The following ZNF844 variants were observed in gnomAD, a reference collection of about 807,000 sequenced individuals.
ZNF844 encodes the protein zinc finger protein 844.
In ZNF844, 11 loss-of-function variants were observed where a neutral mutation model predicts 11.4. The observed-to-expected ratio is 0.97, with a 90% CI of 0.61 to 1.60. The LOEUF is 1.60. Among genes scored for constraint, ZNF844 ranks in the 40% most tolerant of loss-of-function variants. The pLI is 0.00. For synonymous variants in ZNF844, 248 were observed against 260.3 expected (o/e 0.95, Z 0.46); for missense variants, 790 against 796.8 (o/e 0.99, Z 0.10).
chr19:12,077,283 G>A lies in ZNF844; in HGVS notation c.*162G>A. On this transcript the variant is annotated 3_prime_UTR_variant, in exon 4 of 4. Coordinates refer to ENST00000439326, the MANE Select transcript of ZNF844 (RefSeq NM_001136501.3). ...TCGTAGACATGAAAGGACTCACACTGGAGAGAAACCCTATGAGTGTAAGCA... is the reference window on the plus strand; with the variant it reads ...TCGTAGACATGAAAGGACTCACACTAGAGAGAAACCCTATGAGTGTAAGCA... The A allele has an allele frequency of 7.8e-7, 1 of 1,278,128 alleles. No individual in the cohort carries two copies. Among genetic ancestry groups the A allele is most frequent in the South Asian group, 1.2e-5 (1 of 83,650 alleles). 79.2% of individuals were successfully genotyped at this position (1,278,128 alleles called of 1,614,324 possible).
intron 1 of ZNF844, among the ~76,000 whole-genome samples, chr19:12,067,828 C>T (rs900717974): frequency 2.0e-5 from 3 of 149,996 alleles, no homozygotes; most frequent in East Asian, 2.0e-4. Flanking sequence ...AGGCAGGAGA[C>T]GTGAACCCAG....
chr19:12,074,931 T>C (rs1260917600), intron 3 of ZNF844, among the ~76,000 whole-genome samples: 1 of 152,234 alleles, frequency 6.6e-6, no homozygotes, highest in Non-Finnish European at 1.5e-5. Flanking sequence ...GTGTTTTTCT[T>C]TTTTAAACAT....
chr19:12,075,565 G>A lies in ZNF844; in HGVS notation c.445G>A (p.Ala149Thr), dbSNP rs1463672152. 2 of 1,614,086 alleles carry A rather than the reference G, an allele frequency of 1.2e-6. No homozygotes were observed. Among genetic ancestry groups the A allele is most frequent in the Non-Finnish European group, 8.5e-7 (1 of 1,180,012 alleles). The part of the protein sequence containing the change: ...EPYKCQQRKK[A>T]FRCHPSFQMQ... ...ATATAAGTGTCAACAACGTAAGAAA[G>A]CCTTCAGATGTCACCCCTCCTTTCA... is the stretch of plus-strand genomic sequence containing the variant. Residue 149 changes from alanine (A) to threonine (T), a missense_variant, in exon 4 of 4, where the codon GCC becomes ACC. Coordinates refer to ENST00000439326, the MANE Select transcript of ZNF844 (RefSeq NM_001136501.3).
At chr19:12,068,125 A>G (rs1445479646) in intron 1 of ZNF844, among the ~76,000 whole-genome samples, 1 of 152,056 alleles carries the variant, frequency 6.6e-6, no homozygotes, top group Non-Finnish European at 1.5e-5. Flanking sequence ...TCTGGGTAAC[A>G]TGGTAGAACC....
intron 1 of ZNF844, among the ~76,000 whole-genome samples, chr19:12,066,195 G>A (rs1180791752): frequency 1.3e-5 from 2 of 152,000 alleles, no homozygotes; most frequent in Non-Finnish European, 2.9e-5. Context: ...CAAAGTGCTG[G>A]GTTTACAGGT....
rs528701447 is a variant in ZNF844, at chr19:12,078,023, G to A, written c.*902G>A. 5.9e-6 allele frequency: 1 copy of A among 170,606 alleles called. No homozygotes were observed. Among genetic ancestry groups the A allele is most frequent in the East Asian group, 1.8e-4 (1 of 5,576 alleles). The allele number at this position is 170,606 out of a possible 1,614,324, so 10.6% of individuals were successfully genotyped here. A position where few individuals can be genotyped will look rare whatever the true frequency, so the allele number is the denominator to read the frequency against. On this transcript the variant is annotated 3_prime_UTR_variant, in exon 4 of 4. Coordinates refer to ENST00000439326, the MANE Select transcript of ZNF844 (RefSeq NM_001136501.3). The stretch of plus-strand genomic sequence containing the variant: ...TTTTGTATTTTTTAGTAGAGACGGA[G>A]TTTCATCGTGTTAGCCAGGATGGTC...
chr19:12,076,909 C>A lies in ZNF844; in HGVS notation c.1789C>A (p.Leu597Met). ...AAAGAGTGTGACAAAGCATTCATATCTGCCAAGATCCTTCGAGTACATGCA... is the reference window on the plus strand; with the variant it reads ...AAAGAGTGTGACAAAGCATTCATATATGCCAAGATCCTTCGAGTACATGCA... The part of the protein sequence containing the change: ...NVKSVTKHSY[L>M]PRSFEYMQEH... The change falls in exon 4 of 4, where the codon CTG (leucine) becomes ATG (methionine). Residue 597 changes from leucine (L) to methionine (M), a missense_variant. Transcript: ENST00000439326. 1 of 1,587,934 alleles carries A rather than the reference C, an allele frequency of 6.3e-7. No individual in the cohort carries two copies.
intron 1 of ZNF844, among the ~76,000 whole-genome samples, chr19:12,072,592 T>C (rs1975763636): frequency 6.6e-6 from 1 of 150,840 alleles, no homozygotes; most frequent in Non-Finnish European, 1.5e-5. Flanking sequence ...TTTCTTTTTC[T>C]TTTTTTTTGA....
In ZNF844 at chr19:12,080,626, C is replaced by T; in HGVS notation, c.*3505C>T. The T allele has an allele frequency of 6.3e-6, 1 of 157,626 alleles. No individual in the cohort carries two copies. Among genetic ancestry groups the T allele is most frequent in the Middle Eastern group, 6.0e-4 (1 of 1,658 alleles). 9.8% of individuals were successfully genotyped at this position (157,626 alleles called of 1,614,324 possible). A position where few individuals can be genotyped will look rare whatever the true frequency, so the allele number is the denominator to read the frequency against. On this transcript the variant is annotated 3_prime_UTR_variant, in exon 4 of 4. Coordinates refer to ENST00000439326, the MANE Select transcript of ZNF844 (RefSeq NM_001136501.3). ...GGTGTGGGCCTTTGGGTAAAGGTGT[C>T]TTCAGAAGCTCCACATTAAAGATCC...
intron 1 of ZNF844, among the ~76,000 whole-genome samples, chr19:12,073,715 G>C (rs1015717709): frequency 6.6e-6 from 1 of 152,158 alleles, no homozygotes; most frequent in African/African-American, 2.4e-5. Context: ...TTAGAGGACT[G>C]TGTTATGACA....
intron 3 of ZNF844, 131 bp from the exon 4 acceptor site, chr19:12,075,181 T>C (rs1019410558): frequency 1.2e-5 from 7 of 587,578 alleles, no homozygotes; most frequent in Admixed American, 4.8e-5. Flanking sequence ...TGTGCACATG[T>C]ACCCTAAAAC....
intron 1 of ZNF844, among the ~76,000 whole-genome samples, chr19:12,065,894 T>C (rs73514817): frequency 0.28 from 43,121 of 151,714 alleles, 10,150 homozygotes; most frequent in African/African-American, 0.65. Flanking sequence ...ATCGGCCTCC[T>C]AAAGGGCTAG....
rs955597905 is a variant in ZNF844, at chr19:12,078,492, C to T, written c.*1371C>T. 1 of 152,156 alleles carries T rather than the reference C, an allele frequency of 6.6e-6. No individual in the cohort carries two copies. The allele number at this position is 152,156 out of a possible 1,614,324, so 9.4% of individuals were successfully genotyped here. On this transcript the variant is annotated 3_prime_UTR_variant, in exon 4 of 4. Transcript: ENST00000439326. ...ATCTCAGTGCCATCATGCATTAGAT[C>T]AAGTTTATGTTACCACATTATTTTT...
chr19:12,064,918 G>A (rs1975670922), intron 1 of ZNF844, 42 bp downstream of exon 1: 1 of 1,547,658 alleles, frequency 6.5e-7, no homozygotes. Flanking sequence ...ACTTGGGGGA[G>A]GGTAGGCGGA....
In ZNF844 at chr19:12,076,374, C is replaced by A; in HGVS notation, c.1254C>A (p.Asn418Lys). ...TIMKGLTLER[N>K]PMNVSSVVKP... ...TGAAAGGACTCACACTGGAGAGAAA[C>A]CCTATGAATGTAAGCAGTGTAGTAA... Residue 418 changes from asparagine (N) to lysine (K), a missense_variant, in exon 4 of 4, where the codon AAC (asparagine) becomes AAA (lysine). Physicochemically the swap from Asn to Lys is moderately conservative, Grantham distance 94 (BLOSUM62 0). Coordinates refer to ENST00000439326, the MANE Select transcript of ZNF844 (RefSeq NM_001136501.3). The A allele has an allele frequency of 6.2e-7, 1 of 1,610,362 alleles. No individual in the cohort carries two copies. The highest frequency in any genetic ancestry group is 8.5e-7 in the Non-Finnish European group (1 of 1,177,122).
rs553616282 is a variant in ZNF844, at chr19:12,064,742, C to G, written c.-132C>G. ...TTGCCGTTCGCCTCAGTCTTTGGCC[C>G]CTCCCGCCGGGTGAGGTTGGCACCC... On this transcript the variant is annotated 5_prime_UTR_variant, in exon 1 of 4. Coordinates refer to ENST00000439326, the MANE Select transcript of ZNF844 (RefSeq NM_001136501.3). The G allele has an allele frequency of 1.3e-5, 12 of 936,528 alleles. No individual in the cohort carries two copies. The highest frequency in any genetic ancestry group is 3.2e-5 in the East Asian group (1 of 31,720). The allele number at this position is 936,528 out of a possible 1,614,324, so 58.0% of individuals were successfully genotyped here.
intron 3 of ZNF844, 64 bp downstream of exon 3, chr19:12,074,485 TAAG>T: frequency 2.6e-6 from 3 of 1,147,640 alleles, no homozygotes; most frequent in Admixed American, 5.2e-5. Context: ...GAGAATATGT[TAAG>T]AAGAAGCAAA....
At chr19:12,074,190 T>G (rs1476088632) in intron 2 of ZNF844, 33 bp downstream of exon 2, 1 of 1,611,176 alleles carries the variant, frequency 6.2e-7, no homozygotes, top group Non-Finnish European at 8.5e-7. Context: ...CCCCAGTGAA[T>G]GAGACAAGTG....
rs958206880 is a variant in ZNF844 at position 12,077,193 on chromosome 19, C to G, written c.*72C>G. ...TTCCTTTCAGTGTCATAAAAGGATT[C>G]ACACTGGAGAGAAACCCTATGAGTG... On this transcript the variant is annotated 3_prime_UTR_variant, in exon 4 of 4. Transcript: ENST00000439326. 3.1e-6 allele frequency: 5 copies of G among 1,601,548 alleles called. No individual in the cohort carries two copies. The highest frequency in any genetic ancestry group is 4.3e-6 in the Non-Finnish European group (5 of 1,173,562).
Sources: allele counts gnomAD v4.1 joint callset (sites outside exome capture counted in the v4.1 genomes callset), GRCh38; gene constraint gnomAD v4.1.1; transcripts MANE v1.5; gene names NCBI Gene and HGNC (gene_info 2026-07-23, HGNC 2026-07-21).